The following AKAP11 variants were observed in gnomAD, a reference collection of about 807,000 sequenced individuals.
AKAP11 encodes A-kinase anchor protein 11.
A neutral mutation model predicts 146.1 loss-of-function variants in AKAP11; 36 were observed. The ratio of observed to expected loss-of-function variants is 0.25; its 90% CI spans 0.19 to 0.33. The LOEUF (loss-of-function observed/expected upper bound fraction) is 0.33, where lower values mean the gene tolerates loss of function less well. Among genes scored for constraint, AKAP11 ranks in the 10% least tolerant of loss-of-function variants. The pLI is 1.00. For missense variants in AKAP11, 2,201 were observed against 2,197.0 expected, an observed-to-expected ratio of 1.00 and a Z score of -0.04; for synonymous variants, 780 against 786.5, an observed-to-expected ratio of 0.99 and a Z score of 0.14.
Position 42,299,571 on chromosome 13 carries a change from T to C in AKAP11, c.825T>C (p.Pro275=), listed in dbSNP as rs1258959155. 1 of 1,613,976 alleles carries C rather than the reference T, an allele frequency of 6.2e-7. No homozygotes were observed. Among genetic ancestry groups the C allele is most frequent in the South Asian group, 1.1e-5 (1 of 91,078 alleles). ...KTSVTTSISE[P]WTQRSFYRSS... is the part of the protein sequence containing the mutation. The stretch of plus-strand genomic sequence containing the variant: ...CAGTCACAACATCAATTTCAGAGCC[T>C]TGGACCCAAAGGAGTTTCTATAGGT... The change falls in exon 8 of 13, where the codon CCT becomes CCC. Residue 275 remains proline (P), a synonymous_variant. Transcript: ENST00000025301.
Position 42,301,410 on chromosome 13 carries a change from A to G in AKAP11, c.2664A>G (p.Leu888=), listed in dbSNP as rs199621082. 6.2e-7 allele frequency: 1 copy of G among 1,613,690 alleles called. No homozygotes were observed. ...TGCATACGATAGTAAATGAAACTTT[A>G]GAGTCAATGACATCATTGGAAGTTA... ...AVVHTIVNET[L]ESMTSLEVTK... Residue 888 remains leucine, a synonymous_variant, in exon 8 of 13, where the codon TTA becomes TTG. Transcript: ENST00000025301.
At chr13:42,290,305 T>A (rs1312148574) in intron 3 of AKAP11, among the ~76,000 whole-genome samples, 1 of 152,242 alleles carries the variant, frequency 6.6e-6, no homozygotes, top group Non-Finnish European at 1.5e-5. Flanking sequence ...AAAGGTGATG[T>A]TGTGTTCATT....
At position 42,303,429 on chromosome 13, in the gene AKAP11, C is replaced by G. The variant is rs750992721; in HGVS notation, c.4683C>G (p.Phe1561Leu). 9 of 1,614,074 alleles carry G rather than the reference C, an allele frequency of 5.6e-6. No homozygotes were observed. Among genetic ancestry groups the G allele is most frequent in the South Asian group, 1.1e-5 (1 of 91,062 alleles). The change falls in exon 8 of 13, where the codon TTC (phenylalanine) becomes TTG (leucine). Residue 1561 changes from phenylalanine (F) to leucine (L), a missense_variant. Around this residue, in one of 3 missense-constraint regions of AKAP11, gnomAD observed 1,867 missense variants for 1,833.5 expected, o/e 1.02. Transcript: ENST00000025301. ...TLELTLGSTV[F>L]RVSETTKSAD... ...AGCTAACTCTAGGATCTACAGTGTT[C>G]CGAGTGTCTGAGACCACAAAATCAG...
chr13:42,294,733 C>T (rs1734224608), intron 4 of AKAP11, among the ~76,000 whole-genome samples: 1 of 151,960 alleles, frequency 6.6e-6, no homozygotes, highest in Admixed American at 6.6e-5. Flanking sequence ...ATAAGAAATA[C>T]TCAAAGTAGA....
intron 1 of AKAP11, 47 bp downstream of exon 1, chr13:42,272,275 G>T (rs955356151): frequency 6.6e-6 from 1 of 152,432 alleles, no homozygotes; most frequent in African/African-American, 2.4e-5. Flanking sequence ...CGTTTAGATG[G>T]GGTGGCGGCG....
At position 42,302,535 on chromosome 13, in the gene AKAP11, G is replaced by C; in HGVS notation, c.3789G>C (p.Leu1263=). 1.2e-6 allele frequency: 2 copies of C among 1,614,094 alleles called. No homozygotes were observed. Among genetic ancestry groups the C allele is most frequent in the East Asian group, 4.5e-5 (2 of 44,874 alleles). The change falls in exon 8 of 13, where the codon CTG becomes CTC. Residue 1263 remains leucine, a synonymous_variant. Transcript: ENST00000025301. ...LKTLCNFAGD[L]AAEVITEAEK... ...CATTATGCAATTTTGCGGGTGATCT[G>C]GCAGCAGAAGTCATTACAGAAGCTG...
intron 8 of AKAP11, among the ~76,000 whole-genome samples, chr13:42,305,392 A>G (rs1350860553): frequency 1.3e-5 from 2 of 152,144 alleles, no homozygotes; most frequent in Non-Finnish European, 2.9e-5. Flanking sequence ...GAACTAGGAG[A>G]GGTCTCTATT....
At position 42,302,659 on chromosome 13, in the gene AKAP11, G is replaced by C; in HGVS notation, c.3913G>C (p.Asp1305His). 1 of 1,614,098 alleles carries C rather than the reference G, an allele frequency of 6.2e-7. No homozygotes were observed. The highest frequency in any genetic ancestry group is 8.5e-7 in the Non-Finnish European group (1 of 1,180,016). ...AGATTATAAAGTAGAAGAGAAGTTGGATATAGAGGCTGTAGTGCACCCAAG... is the reference window on the plus strand; with the variant it reads ...AGATTATAAAGTAGAAGAGAAGTTGCATATAGAGGCTGTAGTGCACCCAAG... ...DEDYKVEEKL[D>H]IEAVVHPREV... is the part of the protein sequence containing the mutation. The change falls in exon 8 of 13, where the codon GAT becomes CAT. Residue 1305 changes from aspartate to histidine, a missense_variant. Asp to His is a moderately conservative substitution (Grantham distance 81). Around this residue, in one of 3 missense-constraint regions of AKAP11, gnomAD observed 1,867 missense variants for 1,833.5 expected, o/e 1.02. Coordinates refer to ENST00000025301, the MANE Select transcript of AKAP11 (RefSeq NM_016248.4).
chr13:42,295,829 G>T, intron 5 of AKAP11, 87 bp downstream of exon 5: 1 of 1,259,680 alleles, frequency 7.9e-7, no homozygotes, highest in Non-Finnish European at 1.1e-6. Context: ...TATCTGAGAA[G>T]GTTGCAAACC....
At chr13:42,318,809 A>G (rs1423143302) in intron 12 of AKAP11, among the ~76,000 whole-genome samples, 1 of 152,184 alleles carries the variant, frequency 6.6e-6, no homozygotes, top group Non-Finnish European at 1.5e-5. Context: ...CTGCATGTCC[A>G]TGCAGACTAT....
At chr13:42,274,069 C>T (rs1046363246) in intron 1 of AKAP11, among the ~76,000 whole-genome samples, 20 of 152,182 alleles carry the variant, frequency 1.3e-4, no homozygotes, top group African/African-American at 4.6e-4. Flanking sequence ...GTCTTCATAA[C>T]CTTTTGGCAA....
chr13:42,274,950 G>C (rs978104605), intron 1 of AKAP11, among the ~76,000 whole-genome samples: 1 of 152,176 alleles, frequency 6.6e-6, no homozygotes, highest in African/African-American at 2.4e-5. Flanking sequence ...TTAGTGCGAA[G>C]CACATAGTAG....
chr13:42,304,926 T>C (rs566234695), intron 8 of AKAP11, among the ~76,000 whole-genome samples: 5 of 152,252 alleles, frequency 3.3e-5, no homozygotes, highest in Non-Finnish European at 7.4e-5. Context: ...AATTTTTGTA[T>C]TTTTAGTAGA....
At position 42,302,756 on chromosome 13, in the gene AKAP11, G is replaced by C. The variant is rs896513868; in HGVS notation, c.4010G>C (p.Ser1337Thr). ...CMSGLMYKYP[S>T]CESVTDEYAG... ...TCAGGTCTGATGTATAAGTATCCCA[G>C]CTGTGAAAGTGTGACAGATGAATAT... is the stretch of plus-strand genomic sequence containing the variant. Residue 1337 changes from serine (S) to threonine (T), a missense_variant, in exon 8 of 13, where the codon AGC (serine) becomes ACC (threonine). This residue lies in a region of AKAP11 where 1,867 missense variants were observed against 1,833.5 expected (regional missense o/e 1.02). Transcript: ENST00000025301. The C allele has an allele frequency of 1.9e-6, 3 of 1,614,106 alleles. No individual in the cohort carries two copies. Among genetic ancestry groups the C allele is most frequent in the East Asian group, 2.2e-5 (1 of 44,878 alleles).
intron 1 of AKAP11, among the ~76,000 whole-genome samples, chr13:42,278,206 A>G (rs1958974310): frequency 6.6e-6 from 1 of 152,228 alleles, no homozygotes; most frequent in Non-Finnish European, 1.5e-5. Context: ...GAGGTTGAGG[A>G]TTAAAAAGGA....
chr13:42,273,971 A>G (rs2039549473), intron 1 of AKAP11, among the ~76,000 whole-genome samples: 1 of 152,258 alleles, frequency 6.6e-6, no homozygotes, highest in African/African-American at 2.4e-5. Context: ...GAATGGGCAG[A>G]GGAGACCAGT....
intron 8 of AKAP11, among the ~76,000 whole-genome samples, chr13:42,306,313 G>A (rs2138642480): frequency 6.6e-6 from 1 of 152,212 alleles, no homozygotes; most frequent in African/African-American, 2.4e-5. Flanking sequence ...GTTCAGTCCT[G>A]TCTGCCCTAC....
At chr13:42,280,594 T>C (rs535939074) in intron 1 of AKAP11, among the ~76,000 whole-genome samples, 3 of 152,326 alleles carry the variant, frequency 2.0e-5, no homozygotes, top group South Asian at 4.1e-4. Flanking sequence ...GCCTACTATG[T>C]AAAAATACAT....
In AKAP11 at chr13:42,313,095, GTATGAGGACAATT is replaced by G; in HGVS notation, c.5326_5338del (p.Glu1776ProfsTer21). 6.2e-7 allele frequency: 1 copy of G among 1,613,414 alleles called. No individual in the cohort carries two copies. The highest frequency in any genetic ancestry group is 2.2e-5 in the East Asian group (1 of 44,852). On this transcript the variant is annotated frameshift_variant, in exon 10 of 13. Transcript: ENST00000025301. LOFTEE classifies it high-confidence loss of function. ...GCAGTCTTGGTTTAGAAGGAGATTT[GTATGAGGACAATT>G]TATCCTTTCCAACATCAGACAGGTT...
Sources: allele counts gnomAD v4.1 joint callset (sites outside exome capture counted in the v4.1 genomes callset), GRCh38; gene constraint gnomAD v4.1.1; regional missense constraint gnomAD v4.1.1; transcripts MANE v1.5; gene names NCBI Gene and HGNC (gene_info 2026-07-23, HGNC 2026-07-21).